The following ENTR1 variants were observed in gnomAD, a reference collection of about 807,000 sequenced individuals.
ENTR1 encodes endosome-associated-trafficking regulator 1.
In ENTR1, 47 loss-of-function variants were observed where a neutral mutation model predicts 47.9. The observed-to-expected ratio is 0.98, with a 90% CI of 0.78 to 1.25. The LOEUF is 1.25. Among genes scored for constraint, ENTR1 ranks in the 50% most tolerant of loss-of-function variants. The pLI is 0.00. For missense variants in ENTR1, 668 were observed against 570.5 expected (o/e 1.17, Z -1.74); for synonymous variants, 290 against 245.8 (o/e 1.18, Z -1.68).
intron 2 of ENTR1, 106 bp from the exon 3 acceptor site, chr9:136,409,173 G>A: frequency 2.3e-6 from 2 of 872,992 alleles, no homozygotes; most frequent in Non-Finnish European, 3.6e-6. Context: ...GGTTCTCACA[G>A]TCTAGAGAAC....
intron 3 of ENTR1, 126 bp downstream of exon 3, chr9:136,408,873 C>A: frequency 1.5e-6 from 1 of 682,308 alleles, no homozygotes; most frequent in Middle Eastern, 2.9e-4. Flanking sequence ...CTTGAAATCC[C>A]ACCCCCACCT....
chr9:136,409,609 G>C (rs1247659704), intron 2 of ENTR1, among the ~76,000 whole-genome samples: 1 of 152,072 alleles, frequency 6.6e-6, no homozygotes, highest in African/African-American at 2.4e-5. Flanking sequence ...GCCCAGCCGG[G>C]GCAAGCGCGT....
In ENTR1 at chr9:136,407,213, C is replaced by T; in HGVS notation, c.751G>A (p.Asp251Asn). ...AGAGACTCTCCATGAACCGCAAAGT[C>T]TGCGCTAGGACTCCCTGCCGGAGAG... ...PASPAGSPSA[D>N]FAVHGESLGD... Residue 251 changes from aspartate (D) to asparagine (N), a missense_variant, in exon 5 of 10, where the codon GAC becomes AAC. Physicochemically the swap from Asp to Asn is conservative, Grantham distance 23. Transcript: ENST00000357365. 4 of 1,613,096 alleles carry T rather than the reference C, an allele frequency of 2.5e-6. No homozygotes were observed. The highest frequency in any genetic ancestry group is 3.4e-6 in the Non-Finnish European group (4 of 1,179,918).
In ENTR1 at chr9:136,408,442, G is replaced by A. The variant is rs572361735; in HGVS notation, c.290-504C>T. On this transcript the variant is annotated intron_variant, in intron 3 of 9. Coordinates refer to ENST00000357365, the MANE Select transcript of ENTR1 (RefSeq NM_001039707.2). ...AAATACAAAAAATTAGCCAGGCGTGGTGGTGAGCGCCTGTAGTCCCAGCTA... is the reference window on the plus strand; with the variant it reads ...AAATACAAAAAATTAGCCAGGCGTGATGGTGAGCGCCTGTAGTCCCAGCTA... Among the ~76,000 whole-genome samples, 16 of 152,112 alleles carry A rather than the reference G, an allele frequency of 1.1e-4. No individual in the cohort carries two copies. The South Asian group carries it at 3.1e-3, about 30-fold the overall frequency.
In ENTR1 at chr9:136,407,136, C is replaced by T. The variant is rs767940551; in HGVS notation, c.819+9G>A. Reference sequence around the variant, plus strand: ...CGCTGTGCCAGAGGGCGCCGTGAGGCTCACTTACTGCGTCGTAACTTATCT... The same window carrying T: ...CGCTGTGCCAGAGGGCGCCGTGAGGTTCACTTACTGCGTCGTAACTTATCT... On this transcript the variant is annotated intron_variant, in intron 5 of 9. Transcript: ENST00000357365. 1.3e-6 allele frequency: 2 copies of T among 1,580,440 alleles called. No homozygotes were observed. Among genetic ancestry groups the T allele is most frequent in the Non-Finnish European group, 1.7e-6 (2 of 1,158,732 alleles).
At position 136,402,833 on chromosome 9, in the gene ENTR1, A is replaced by T. The variant is rs943332719; in HGVS notation, c.1263T>A (p.Ser421=). 6.2e-7 allele frequency: 1 copy of T among 1,613,064 alleles called. No homozygotes were observed. The highest frequency in any genetic ancestry group is 8.5e-7 in the Non-Finnish European group (1 of 1,179,854). The part of the protein sequence containing the change: ...TLNLVAEILK[S]IDRISEVKDE... ...CTTTAACTTCAGAAATTCTGTCTAT[A>T]GATTTAAGGATTTCGGCAACAAGAT... is the stretch of plus-strand genomic sequence containing the variant. The change falls in exon 10 of 10, where the codon TCT becomes TCA. Residue 421 remains serine (S), a synonymous_variant. Transcript: ENST00000357365.
intron 2 of ENTR1, among the ~76,000 whole-genome samples, chr9:136,409,382 C>G (rs1424458180): frequency 6.6e-6 from 1 of 152,142 alleles, no homozygotes; most frequent in Non-Finnish European, 1.5e-5. Flanking sequence ...GGGTTTTCAC[C>G]CTGTTAGCCA....
chr9:136,410,083 C>T lies in ENTR1; in HGVS notation c.220+7G>A, dbSNP rs1835016368. ...GCGTCCCCGGGGCCGGCGCCCTCGTCTCTCACCTGTGTCTCCCACGGAAGC... is the reference window on the plus strand; with the variant it reads ...GCGTCCCCGGGGCCGGCGCCCTCGTTTCTCACCTGTGTCTCCCACGGAAGC... On this transcript the variant is annotated splice_region_variant and intron_variant, in intron 2 of 9. Transcript: ENST00000357365. 6.2e-7 allele frequency: 1 copy of T among 1,612,672 alleles called. No homozygotes were observed. Among genetic ancestry groups the T allele is most frequent in the Non-Finnish European group, 8.5e-7 (1 of 1,179,910 alleles).
rs1419110465 is a variant in ENTR1, at chr9:136,401,964, T to C, written c.*824A>G. ...TTTATTAAATAAGAAAGCTATCAAT[T>C]GGAACAGGAGGAAAAAAAAGTTTTA... On this transcript the variant is annotated 3_prime_UTR_variant, in exon 10 of 10. Transcript: ENST00000357365. The C allele has an allele frequency of 6.6e-6, 1 of 152,100 alleles. No individual in the cohort carries two copies. The highest frequency in any genetic ancestry group is 2.4e-5 in the African/African-American group (1 of 41,340). The allele number at this position is 152,100 out of a possible 1,614,324, so 9.4% of individuals were successfully genotyped here.
chr9:136,406,346 G>C (rs1280864036), intron 5 of ENTR1, among the ~76,000 whole-genome samples: 1 of 151,948 alleles, frequency 6.6e-6, no homozygotes, highest in Admixed American at 6.6e-5. Context: ...GCGGGCACCT[G>C]TAGTCCTAAC....
intron 8 of ENTR1, 92 bp from the exon 9 acceptor site, chr9:136,404,286 G>A (rs922981700): frequency 6.6e-7 from 1 of 1,504,172 alleles, no homozygotes; most frequent in Non-Finnish European, 8.9e-7. Flanking sequence ...ACCCGTGGGG[G>A]CCTGGCACTC....
In ENTR1 at chr9:136,406,331, T is replaced by C. The variant is rs540642666; in HGVS notation, c.820-353A>G. Among the ~76,000 whole-genome samples, 12 of 151,964 alleles carry C rather than the reference T, an allele frequency of 7.9e-5. No homozygotes were observed. In the South Asian group the frequency reaches 2.5e-3, roughly 32 times the overall value. ...TAAAAATACAAAAATTAGCCAGCAG[T>C]GGTGGCGGGCACCTGTAGTCCTAAC... On this transcript the variant is annotated intron_variant, in intron 5 of 9. Coordinates refer to ENST00000357365, the MANE Select transcript of ENTR1 (RefSeq NM_001039707.2).
At chr9:136,409,155 A>G (rs1211548698) in intron 2 of ENTR1, 88 bp from the exon 3 acceptor site, 2 of 1,065,710 alleles carry the variant, frequency 1.9e-6, no homozygotes, top group Non-Finnish European at 2.9e-6. Flanking sequence ...TGGAGTCTCC[A>G]CTGCAGTGGT....
At chr9:136,406,761 G>A (rs1644125289) in intron 5 of ENTR1, among the ~76,000 whole-genome samples, 1 of 152,134 alleles carries the variant, frequency 6.6e-6, no homozygotes, top group East Asian at 1.9e-4. Flanking sequence ...ACAGGCGTGA[G>A]CCACGGCGCC....
intron 9 of ENTR1, 71 bp from the exon 10 acceptor site, chr9:136,402,958 A>G: frequency 1.1e-6 from 1 of 909,996 alleles, no homozygotes; most frequent in Non-Finnish European, 1.7e-6. Flanking sequence ...TGGGGGGAGA[A>G]AGGGGAGGGG....
rs771082264 is a variant in ENTR1, at chr9:136,407,575, A to C, written c.403-14T>G. 3.2e-6 allele frequency: 5 copies of C among 1,541,818 alleles called. No homozygotes were observed. The highest frequency in any genetic ancestry group is 2.5e-5 in the South Asian group (2 of 81,072). ...CCTCGAGGCTTCCTAAAAAAAAAAA[A>C]AAAAAAAAAACAATGGAGGCCATGC... is the stretch of plus-strand genomic sequence containing the variant. On this transcript the variant is annotated splice_polypyrimidine_tract_variant and intron_variant, in intron 4 of 9. Transcript: ENST00000357365.
rs528717092 is a variant in ENTR1 at position 136,403,787 on chromosome 9, G to A, written c.1208+268C>T. On this transcript the variant is annotated intron_variant, in intron 9 of 9. Transcript: ENST00000357365. The stretch of plus-strand genomic sequence containing the variant: ...ATTCAGAGCTTCAGCGCCCACATGG[G>A]GTGGGGCTGAGGTTCAGTGCAGGGT... Among the ~76,000 whole-genome samples the A allele has an allele frequency of 2.6e-5, 4 of 152,280 alleles. No individual in the cohort carries two copies. In the East Asian group the frequency reaches 5.8e-4, roughly 22 times the overall value.
intron 9 of ENTR1, 44 bp from the exon 10 acceptor site, chr9:136,402,931 C>G: frequency 7.0e-7 from 1 of 1,437,466 alleles, no homozygotes; most frequent in Non-Finnish European, 9.6e-7. Context: ...AGCAGCTACT[C>G]AGCAGCAACA....
intron 9 of ENTR1, among the ~76,000 whole-genome samples, chr9:136,403,464 G>T (rs550930120): frequency 1.0e-5 from 1 of 97,118 alleles, no homozygotes; most frequent in Non-Finnish European, 2.3e-5. Context: ...GGGGTTTGCC[G>T]GGGGAAGAAA....
Sources: gnomAD v4.1 joint callset for allele counts (sites outside exome capture counted in the v4.1 genomes callset) on GRCh38, gnomAD v4.1.1 for gene constraint, MANE v1.5 for transcripts, NCBI Gene and HGNC (gene_info 2026-07-23, HGNC 2026-07-21) for gene names.